CTNNA3: variants seen among roughly 807,000 people sequenced by gnomAD.
CTNNA3 encodes catenin alpha 3.
CTNNA3 carries 76 observed loss-of-function variants against 95.7 expected under a neutral mutation model. That is an observed-to-expected ratio of 0.79 (90% CI 0.66 to 0.96). The LOEUF is 0.96. CTNNA3 is among the 40% of genes least tolerant of loss of function. CTNNA3 has a pLI of 0.00. For missense variants in CTNNA3, 1,191 were observed against 1,089.8 expected, an observed-to-expected ratio of 1.09 and a Z score of -1.31; for synonymous variants, 431 against 374.4, an observed-to-expected ratio of 1.15 and a Z score of -1.74.
Position 65,988,645 on chromosome 10 carries a change from G to A in CTNNA3, c.2265+47C>T, listed in dbSNP as rs558475870. On this transcript the variant is annotated intron_variant, in intron 16 of 17. Transcript: ENST00000433211. Reference sequence around the variant, plus strand: ...CCTAAATCAATGTTCTAATGGCAAAGAGCAATTAGCATGAACTTTTATGAT... The same window carrying A: ...CCTAAATCAATGTTCTAATGGCAAAAAGCAATTAGCATGAACTTTTATGAT... 1.0e-5 allele frequency: 15 copies of A among 1,441,736 alleles called. No individual in the cohort carries two copies. The Admixed American group carries it at 1.9e-4, about 18-fold the overall frequency. The allele number at this position is 1,441,736 out of a possible 1,614,324, so 89.3% of individuals were successfully genotyped here.
chr10:66,423,163 T>A (rs112039750), intron 11 of CTNNA3, among the ~76,000 whole-genome samples: 1,662 of 152,194 alleles, frequency 0.011, 37 homozygotes, highest in African/African-American at 0.038. Context: ...GGTCATGATG[T>A]TTAAAAGTTT....
At chr10:66,082,540 G>C (rs563168797) in intron 14 of CTNNA3, among the ~76,000 whole-genome samples, 22 of 152,178 alleles carry the variant, frequency 1.4e-4, no homozygotes, top group African/African-American at 5.3e-4. Context: ...AATATAGGTG[G>C]AAAAATTGAT....
intron 3 of CTNNA3, among the ~76,000 whole-genome samples, chr10:67,591,730 G>A (rs919239142): frequency 5.9e-5 from 9 of 151,968 alleles, no homozygotes; most frequent in African/African-American, 9.7e-5. Context: ...ATCATAATTT[G>A]AAAAGACATG....
chr10:66,822,003 T>C (rs1488283574), intron 7 of CTNNA3, among the ~76,000 whole-genome samples: 2 of 151,658 alleles, frequency 1.3e-5, no homozygotes, highest in Non-Finnish European at 2.9e-5. Context: ...AAATTTTCCA[T>C]ACTATGTAAT....
chr10:66,025,550 T>C (rs764963576), intron 15 of CTNNA3, among the ~76,000 whole-genome samples: 16 of 152,218 alleles, frequency 1.1e-4, no homozygotes, highest in Non-Finnish European at 2.4e-4. Flanking sequence ...CATCATTGAA[T>C]GTGTTTTTGC....
intron 4 of CTNNA3, among the ~76,000 whole-genome samples, chr10:67,532,334 C>A (rs544064992): frequency 6.6e-6 from 1 of 152,220 alleles, no homozygotes; most frequent in African/African-American, 2.4e-5. Context: ...ACACATCTGC[C>A]TTTTAAATAG....
chr10:67,494,997 G>T (rs1838979139), intron 5 of CTNNA3, among the ~76,000 whole-genome samples: 1 of 152,108 alleles, frequency 6.6e-6, no homozygotes, highest in South Asian at 2.1e-4. Flanking sequence ...CAATATTTGA[G>T]ACATAATTCT....
At chr10:66,152,146 T>C (rs578140899) in intron 13 of CTNNA3, among the ~76,000 whole-genome samples, 6 of 151,936 alleles carry the variant, frequency 3.9e-5, no homozygotes, top group Non-Finnish European at 7.4e-5. Context: ...ATAAGTACCA[T>C]TCAAAAACAT....
At chr10:67,502,912 G>A (rs1839277915) in intron 5 of CTNNA3, among the ~76,000 whole-genome samples, 1 of 152,162 alleles carries the variant, frequency 6.6e-6, no homozygotes, top group Admixed American at 6.5e-5. Context: ...GCTCTGTTGG[G>A]GTGGGATCCG....
rs112355390 is a variant in CTNNA3, at chr10:67,174,363, T to G, written c.1047+5954A>C. Among the ~76,000 whole-genome samples the G allele has an allele frequency of 1.2e-3, 190 of 152,240 alleles. 2 individuals are homozygous for G. Among genetic ancestry groups the G allele is most frequent in the Non-Finnish European group, 2.3e-3 (155 of 68,022 alleles). ...TCCTCAATAGAGGAACCCAGATGCC[T>G]CCTTTTCCCCAATGAGCACTGCACA... On this transcript the variant is annotated intron_variant, in intron 7 of 17. Coordinates refer to ENST00000433211, the MANE Select transcript of CTNNA3 (RefSeq NM_013266.4).
intron 11 of CTNNA3, among the ~76,000 whole-genome samples, chr10:66,506,342 C>T (rs1020856821): frequency 6.6e-6 from 1 of 152,110 alleles, no homozygotes; most frequent in African/African-American, 2.4e-5. Context: ...TATATGAAGC[C>T]ATCTGTTGAC....
Position 66,155,660 on chromosome 10 carries a change from A to T in CTNNA3, c.1885-52411T>A, listed in dbSNP as rs1337315850. 1.3e-5 allele frequency among the ~76,000 whole-genome samples: 2 copies of T among 151,968 alleles called. 1 individual carries two copies. The highest frequency in any genetic ancestry group is 4.1e-4 in the South Asian group (2 of 4,826). On this transcript the variant is annotated intron_variant, in intron 13 of 17. Transcript: ENST00000433211. Reference sequence around the variant, plus strand: ...AAGTGGATATATGTATGAGAAAAACATCATCTAGATTCTCATCTCACACCA... The same window carrying T: ...AAGTGGATATATGTATGAGAAAAACTTCATCTAGATTCTCATCTCACACCA...
At chr10:67,083,640 C>G (rs1035927400) in intron 7 of CTNNA3, among the ~76,000 whole-genome samples, 1 of 152,134 alleles carries the variant, frequency 6.6e-6, no homozygotes, top group Non-Finnish European at 1.5e-5. Flanking sequence ...ACAATAAGAA[C>G]TTGTGCATGT....
At chr10:66,744,666 A>G (rs1281959416) in intron 9 of CTNNA3, among the ~76,000 whole-genome samples, 2 of 152,180 alleles carry the variant, frequency 1.3e-5, no homozygotes, top group Non-Finnish European at 2.9e-5. Context: ...TTATTATATA[A>G]TTGGCTAATT....
chr10:67,182,116 C>G (rs955383978), intron 6 of CTNNA3, among the ~76,000 whole-genome samples: 1 of 152,068 alleles, frequency 6.6e-6, no homozygotes, highest in Admixed American at 6.6e-5. Flanking sequence ...CCATACTGCC[C>G]AAGGTAATTT....
At chr10:67,533,672 T>C (rs1840405301) in intron 4 of CTNNA3, among the ~76,000 whole-genome samples, 1 of 152,182 alleles carries the variant, frequency 6.6e-6, no homozygotes, top group Non-Finnish European at 1.5e-5. Context: ...TGGCAGTACT[T>C]GTCCATTTTT....
intron 9 of CTNNA3, among the ~76,000 whole-genome samples, chr10:66,707,643 C>A (rs1384300261): frequency 3.3e-5 from 5 of 152,002 alleles, no homozygotes; most frequent in Non-Finnish European, 7.4e-5. Flanking sequence ...AGAAACACTT[C>A]ATTTAATATT....
intron 2 of CTNNA3, among the ~76,000 whole-genome samples, chr10:67,630,121 A>C (rs1486423714): frequency 6.6e-6 from 1 of 152,184 alleles, no homozygotes; most frequent in East Asian, 1.9e-4. Flanking sequence ...AGCTGTAACA[A>C]GGGTGCCAAA....
intron 7 of CTNNA3, among the ~76,000 whole-genome samples, chr10:66,795,032 T>G (rs1328848773): frequency 6.6e-6 from 1 of 152,144 alleles, no homozygotes; most frequent in Non-Finnish European, 1.5e-5. Flanking sequence ...CTTTCACCAT[T>G]GAAGTCTTGA....
Sources: gnomAD v4.1 joint callset for allele counts (sites outside exome capture counted in the v4.1 genomes callset) on GRCh38, gnomAD v4.1.1 for gene constraint, MANE v1.5 for transcripts, NCBI Gene and HGNC (gene_info 2026-07-23, HGNC 2026-07-21) for gene names.